The following PHLDA3 variants were observed in gnomAD, a reference collection of about 807,000 sequenced individuals.
The protein encoded by PHLDA3 is pleckstrin homology like domain family A member 3, also known as pleckstrin homology-like domain family A member 3.
Under a neutral mutation model 7.6 loss-of-function variants are expected in PHLDA3, and 12 were observed. The observed-to-expected ratio is 1.58, with a 90% CI of 1.01 to 2.55. The LOEUF is 2.55. Ranked by LOEUF, PHLDA3 falls within the 30% of genes most tolerant of loss-of-function variation. The pLI is 0.00. For missense variants in PHLDA3, 177 were observed against 175.6 expected (o/e 1.01, Z -0.05); for synonymous variants, 104 against 85.1 (o/e 1.22, Z -1.23).
chr1:201,468,620 G>A lies in PHLDA3; in HGVS notation c.167C>T (p.Ala56Val). 6.2e-7 allele frequency: 1 copy of A among 1,613,606 alleles called. No individual in the cohort carries two copies. ...TGGRPKELSFARIKAVECVES... is the reference protein window; with the variant it reads ...TGGRPKELSFVRIKAVECVES... The stretch of plus-strand genomic sequence containing the variant: ...CACGCACTCCACGGCCTTGATGCGG[G>A]CGAAGCTGAGCTCCTTGGGCCGGCC... The change falls in exon 1 of 2, where the codon GCC (alanine) becomes GTC (valine). Residue 56 changes from alanine to valine, a missense_variant. By Grantham distance (64) the Ala-to-Val change is moderately conservative. Coordinates refer to ENST00000367311, the MANE Select transcript of PHLDA3 (RefSeq NM_012396.5).
In PHLDA3 at chr1:201,468,751, C is replaced by T. The variant is rs761996836; in HGVS notation, c.36G>A (p.Glu12=). The T allele has an allele frequency of 1.9e-6, 3 of 1,589,034 alleles. No homozygotes were observed. The highest frequency in any genetic ancestry group is 1.1e-5 in the South Asian group (1 of 89,612). The change falls in exon 1 of 2, where the codon GAG becomes GAA. Residue 12 remains glutamate, a synonymous_variant. Transcript: ENST00000367311. The part of the protein sequence containing the change: ...TAAATATVLK[E]GVLEKRSGGL... ...CGCCGCTGCGCTTCTCCAGCACGCCCTCCTTGAGCACGGTAGCCGTCGCCG... is the reference window on the plus strand; with the variant it reads ...CGCCGCTGCGCTTCTCCAGCACGCCTTCCTTGAGCACGGTAGCCGTCGCCG...
Position 201,468,989 on chromosome 1 carries a change from G to T in PHLDA3, c.-203C>A. The T allele has an allele frequency of 4.1e-6, 2 of 485,640 alleles. No individual in the cohort carries two copies. Among genetic ancestry groups the T allele is most frequent in the Non-Finnish European group, 6.6e-6 (2 of 302,720 alleles). The allele number at this position is 485,640 out of a possible 1,614,324, so 30.1% of individuals were successfully genotyped here. The stretch of plus-strand genomic sequence containing the variant: ...TGTCGGTGCCCCCAGCGCGCTCCGC[G>T]CCCACCGCCCCGCTTCAGCCGGCAC... On this transcript the variant is annotated 5_prime_UTR_variant, in exon 1 of 2. Coordinates refer to ENST00000367311, the MANE Select transcript of PHLDA3 (RefSeq NM_012396.5).
Position 201,468,800 on chromosome 1 carries a change from T to C in PHLDA3, c.-14A>G, listed in dbSNP as rs1432570456. The C allele has an allele frequency of 6.5e-7, 1 of 1,533,482 alleles. No individual in the cohort carries two copies. Among genetic ancestry groups the C allele is most frequent in the Admixed American group, 2.0e-5 (1 of 50,332 alleles). 95.0% of individuals were successfully genotyped at this position (1,533,482 alleles called of 1,614,324 possible). On this transcript the variant is annotated 5_prime_UTR_variant, in exon 1 of 2. Transcript: ENST00000367311. ...CGCCGCCGTCATGGGCGCCCCGAGGTTCGCGGAAAGCTCCAGGCTGCGGCG... is the reference window on the plus strand; with the variant it reads ...CGCCGCCGTCATGGGCGCCCCGAGGCTCGCGGAAAGCTCCAGGCTGCGGCG...
In PHLDA3 at chr1:201,468,416, G is replaced by T; in HGVS notation, c.371C>A (p.Thr124Asn). 1 of 1,613,900 alleles carries T rather than the reference G, an allele frequency of 6.2e-7. No individual in the cohort carries two copies. Among genetic ancestry groups the T allele is most frequent in the Non-Finnish European group, 8.5e-7 (1 of 1,179,920 alleles). The stretch of plus-strand genomic sequence containing the variant: ...GCGCCCGGTGGTTTAGGACACGAGG[G>T]TCCCGGTCCCGAGGCTCTGCCGGGC... ...VRARQSLGTGTLVS is the reference protein window; with the variant it reads ...VRARQSLGTGNLVS Residue 124 changes from threonine (T) to asparagine (N), a missense_variant, in exon 1 of 2, where the codon ACC becomes AAC. Transcript: ENST00000367311.
intron 1 of PHLDA3, among the ~76,000 whole-genome samples, chr1:201,466,876 G>C (rs556664751): frequency 3.5e-4 from 51 of 144,770 alleles, no homozygotes; most frequent in African/African-American, 1.3e-3. Flanking sequence ...CCCTGGCCCA[G>C]CCAGGCCTGA....
In PHLDA3 at chr1:201,468,642, G is replaced by T. The variant is rs372237842; in HGVS notation, c.145C>A (p.Arg49=). The part of the protein sequence containing the change: ...QLFEAKGTGG[R]PKELSFARIK... ...CGGGCGAAGCTGAGCTCCTTGGGCCGGCCGCCCGTGCCCTTGGCCTCGAAG... is the reference window on the plus strand; with the variant it reads ...CGGGCGAAGCTGAGCTCCTTGGGCCTGCCGCCCGTGCCCTTGGCCTCGAAG... The change falls in exon 1 of 2, where the codon CGG becomes AGG. Residue 49 remains arginine (R), a synonymous_variant. Transcript: ENST00000367311. The T allele has an allele frequency of 9.3e-6, 15 of 1,612,992 alleles. No homozygotes were observed. Among genetic ancestry groups the T allele is most frequent in the African/African-American group, 5.3e-5 (4 of 74,934 alleles).
chr1:201,468,319 G>A, intron 1 of PHLDA3, 22 bp downstream of exon 1: 1 of 1,444,978 alleles, frequency 6.9e-7, no homozygotes, highest in Non-Finnish European at 9.6e-7. Flanking sequence ...AGAGAAGAGG[G>A]CCCAGTCCCC....
At chr1:201,468,000 G>A (rs1020566379) in intron 1 of PHLDA3, among the ~76,000 whole-genome samples, 2 of 152,226 alleles carry the variant, frequency 1.3e-5, no homozygotes, top group African/African-American at 4.8e-5. Context: ...CACAGCCTGG[G>A]GCAATGTGCA....
chr1:201,466,210 G>C (rs904723010), intron 1 of PHLDA3, 32 bp from the exon 2 acceptor site: 1 of 153,866 alleles, frequency 6.5e-6, no homozygotes, highest in African/African-American at 2.4e-5. Flanking sequence ...TAGAGCAGGG[G>C]CAACAATGGA....
At position 201,464,316 on chromosome 1, in the gene PHLDA3, G is replaced by A. The variant is rs1663608171; in HGVS notation, c.*1925C>T. 6.6e-6 allele frequency: 1 copy of A among 152,186 alleles called. No homozygotes were observed. The highest frequency in any genetic ancestry group is 1.5e-5 in the Non-Finnish European group (1 of 68,040). The allele number at this position is 152,186 out of a possible 1,614,324, so 9.4% of individuals were successfully genotyped here. A position where few individuals can be genotyped will look rare whatever the true frequency, so the allele number is the denominator to read the frequency against. ...CTGATCTTTCTCAGCACTGATTAGG[G>A]TTGCATAAACAGACGCTTATTTGCC... On this transcript the variant is annotated 3_prime_UTR_variant, in exon 2 of 2. Transcript: ENST00000367311.
Position 201,468,364 on chromosome 1 carries a change from T to C in PHLDA3, c.*39A>G. 1 of 1,611,132 alleles carries C rather than the reference T, an allele frequency of 6.2e-7. No homozygotes were observed. The highest frequency in any genetic ancestry group is 1.1e-5 in the South Asian group (1 of 90,578). Reference sequence around the variant, plus strand: ...ACCTGCCTTGACCTCAGCACTGAGGTGGTGGGTAGCATGAAGGAAAGATGG... The same window carrying C: ...ACCTGCCTTGACCTCAGCACTGAGGCGGTGGGTAGCATGAAGGAAAGATGG... On this transcript the variant is annotated 3_prime_UTR_variant, in exon 1 of 2. Coordinates refer to ENST00000367311, the MANE Select transcript of PHLDA3 (RefSeq NM_012396.5).
rs1283710741 is a variant in PHLDA3 at position 201,466,183 on chromosome 1, CAAGA to C, written c.*63-9_*63-6del. The C allele has an allele frequency of 6.5e-6, 1 of 154,268 alleles. No individual in the cohort carries two copies. Among genetic ancestry groups the C allele is most frequent in the Non-Finnish European group, 1.5e-5 (1 of 68,132 alleles). The allele number at this position is 154,268 out of a possible 1,614,324, so 9.6% of individuals were successfully genotyped here. ...AAGCCAGAGGGAACAACGAAGCTGG[CAAGA>C]AAGAACAGCAGTTAGAGCAGGGGCA... is the stretch of plus-strand genomic sequence containing the variant. On this transcript the variant is annotated splice_polypyrimidine_tract_variant and splice_region_variant and intron_variant, in intron 1 of 1. Transcript: ENST00000367311.
chr1:201,468,499 G>C lies in PHLDA3; in HGVS notation c.288C>G (p.Ala96=), dbSNP rs1343401671. The part of the protein sequence containing the change: ...RCPLEDPGWN[A]QITLGLVKFK... ...ACTTGACCAGGCCTAGGGTGATCTG[G>C]GCGTTCCAGCCGGGATCTTCCAGGG... The change falls in exon 1 of 2, where the codon GCC becomes GCG. Residue 96 remains alanine, a synonymous_variant. Transcript: ENST00000367311. 2 of 1,614,172 alleles carry C rather than the reference G, an allele frequency of 1.2e-6. No homozygotes were observed. Among genetic ancestry groups the C allele is most frequent in the Non-Finnish European group, 1.7e-6 (2 of 1,180,030 alleles).
At chr1:201,467,267 G>C (rs1663686939) in intron 1 of PHLDA3, among the ~76,000 whole-genome samples, 1 of 152,092 alleles carries the variant, frequency 6.6e-6, no homozygotes, top group Non-Finnish European at 1.5e-5. Flanking sequence ...AGTGAGCCAT[G>C]ACTATGCTAC....
In PHLDA3 at chr1:201,468,434, T is replaced by C; in HGVS notation, c.353A>G (p.Gln118Arg). 2 of 1,614,038 alleles carry C rather than the reference T, an allele frequency of 1.2e-6. No homozygotes were observed. The highest frequency in any genetic ancestry group is 2.2e-5 in the South Asian group (2 of 91,042). ...QQAIQTVRAR[Q>R]SLGTGTLVS ...CACGAGGGTCCCGGTCCCGAGGCTCTGCCGGGCCCGCACTGTCTGGATGGC... is the reference window on the plus strand; with the variant it reads ...CACGAGGGTCCCGGTCCCGAGGCTCCGCCGGGCCCGCACTGTCTGGATGGC... The change falls in exon 1 of 2, where the codon CAG becomes CGG. Residue 118 changes from glutamine to arginine, a missense_variant. Gln to Arg is a conservative substitution (Grantham distance 43). Coordinates refer to ENST00000367311, the MANE Select transcript of PHLDA3 (RefSeq NM_012396.5).
At chr1:201,467,641 C>CACACACAG (rs1475918715) in intron 1 of PHLDA3, 71 of 18,700 alleles carry the variant, frequency 3.8e-3, no homozygotes, top group African/African-American at 0.015. Flanking sequence ...ACAAACCATA[C>CACACACAG]ACACACACAC....
At chr1:201,466,412 C>T (rs926093197) in intron 1 of PHLDA3, 3 of 152,190 alleles carry the variant, frequency 2.0e-5, no homozygotes, top group African/African-American at 7.2e-5. Flanking sequence ...CACTTCTCAG[C>T]TAAACCCTAA....
At position 201,466,175 on chromosome 1, in the gene PHLDA3, G is replaced by A. The variant is rs12409710; in HGVS notation, c.*66C>T. 17,967 of 154,350 alleles carry A rather than the reference G, an allele frequency of 0.12. 1,988 individuals carry two copies. The highest frequency in any genetic ancestry group is 0.28 in the African/African-American group (11,601 of 41,558). 9.6% of individuals were successfully genotyped at this position (154,350 alleles called of 1,614,324 possible). A position where few individuals can be genotyped will look rare whatever the true frequency, so the allele number is the denominator to read the frequency against. ...GCCCCCACAAGCCAGAGGGAACAAC[G>A]AAGCTGGCAAGAAAGAACAGCAGTT... On this transcript the variant is annotated 3_prime_UTR_variant, in exon 2 of 2. Transcript: ENST00000367311.
rs1489851582 is a variant in PHLDA3 at position 201,468,698 on chromosome 1, C to T, written c.89G>A (p.Arg30His). The change falls in exon 1 of 2, where the codon CGC becomes CAC. Residue 30 changes from arginine to histidine, a missense_variant. By Grantham distance (29) the Arg-to-His change is conservative (BLOSUM62 0). Transcript: ENST00000367311. ...GGLLQLWKRKRCVLTERGLQL... is the reference protein window; with the variant it reads ...GGLLQLWKRKHCVLTERGLQL... Reference sequence around the variant, plus strand: ...CAGCCCGCGTTCGGTGAGGACGCAGCGCTTCCGCTTCCACAGCTGCAGCAG... The same window carrying T: ...CAGCCCGCGTTCGGTGAGGACGCAGTGCTTCCGCTTCCACAGCTGCAGCAG... 11 of 1,609,016 alleles carry T rather than the reference C, an allele frequency of 6.8e-6. No homozygotes were observed. Among genetic ancestry groups the T allele is most frequent in the Admixed American group, 1.7e-5 (1 of 59,878 alleles).
Sources: allele counts gnomAD v4.1 joint callset (sites outside exome capture counted in the v4.1 genomes callset), GRCh38; gene constraint gnomAD v4.1.1; transcripts MANE v1.5; gene names NCBI Gene and HGNC (gene_info 2026-07-23, HGNC 2026-07-21).